JPH1: variants seen among roughly 807,000 people sequenced by gnomAD.
JPH1 encodes junctophilin 1.
Under a neutral mutation model 53.6 loss-of-function variants are expected in JPH1, and 12 were observed. The ratio of observed to expected loss-of-function variants is 0.22; its 90% confidence interval spans 0.14 to 0.36. JPH1 has a LOEUF of 0.36. Ranked by LOEUF, JPH1 falls within the 10% of genes least tolerant of loss-of-function variation. JPH1 has a pLI of 1.00. For missense variants in JPH1, 808 were observed against 905.5 expected (o/e 0.89, Z 1.38); for synonymous variants, 375 against 363.8 (o/e 1.03, Z -0.35).
At chr8:74,243,430 G>A (rs1805757693) in intron 4 of JPH1, among the ~76,000 whole-genome samples, 1 of 152,160 alleles carries the variant, frequency 6.6e-6, no homozygotes, top group Admixed American at 6.5e-5. Flanking sequence ...GAAAAAAGAA[G>A]AGAACCAGTG....
rs577592413 is a variant in JPH1, at chr8:74,234,801, T to C, written c.*2250A>G. On this transcript the variant is annotated 3_prime_UTR_variant, in exon 6 of 6. Transcript: ENST00000342232. Reference sequence around the variant, plus strand: ...AATTATAAATAAAGGAACTCACAGGTAGGGAGTTCTTTTTCACAGCAAGAA... The same window carrying C: ...AATTATAAATAAAGGAACTCACAGGCAGGGAGTTCTTTTTCACAGCAAGAA... 2 of 152,692 alleles carry C rather than the reference T, an allele frequency of 1.3e-5. No individual in the cohort carries two copies. The highest frequency in any genetic ancestry group is 4.1e-4 in the South Asian group (2 of 4,820). 9.5% of individuals were successfully genotyped at this position (152,692 alleles called of 1,614,324 possible).
intron 3 of JPH1, among the ~76,000 whole-genome samples, chr8:74,249,883 T>C (rs576863920): frequency 4.6e-5 from 7 of 151,578 alleles, no homozygotes; most frequent in South Asian, 2.1e-4. Context: ...CTCTAAATAA[T>C]TGATGCACTG....
At chr8:74,250,673 C>T (rs2131383095) in intron 3 of JPH1, among the ~76,000 whole-genome samples, 1 of 152,260 alleles carries the variant, frequency 6.6e-6, no homozygotes, top group South Asian at 2.1e-4. Context: ...TTATGTGTGG[C>T]CCAAGACAAT....
intron 4 of JPH1, among the ~76,000 whole-genome samples, chr8:74,238,951 C>G (rs1427437354): frequency 6.6e-6 from 1 of 152,130 alleles, no homozygotes; most frequent in East Asian, 1.9e-4. Flanking sequence ...TACCACAGTG[C>G]CTGACCCAAA....
At chr8:74,311,723 A>G (rs1255284168) in intron 2 of JPH1, among the ~76,000 whole-genome samples, 1 of 122,990 alleles carries the variant, frequency 8.1e-6, no homozygotes, top group Non-Finnish European at 1.6e-5. Context: ...TCCTGTGTCC[A>G]TGTGTTCTCA....
chr8:74,314,719 G>T, intron 2 of JPH1, 142 bp downstream of exon 2: 1 of 973,164 alleles, frequency 1.0e-6, no homozygotes, highest in Non-Finnish European at 1.5e-6. Context: ...TGATTCTACT[G>T]AGTGTAATCA....
chr8:74,238,784 AGTAGCTG>A (rs1302379696), intron 4 of JPH1, among the ~76,000 whole-genome samples: 1 of 152,156 alleles, frequency 6.6e-6, no homozygotes, highest in African/African-American at 2.4e-5. Context: ...CAGCTTCCTG[AGTAGCTG>A]AGACCAACAG....
At chr8:74,267,397 T>C (rs1806564912) in intron 2 of JPH1, among the ~76,000 whole-genome samples, 2 of 152,196 alleles carry the variant, frequency 1.3e-5, no homozygotes. Context: ...ACAGTTCTTG[T>C]TCTTGCATAA....
At chr8:74,279,898 C>T (rs1262483333) in intron 2 of JPH1, among the ~76,000 whole-genome samples, 1 of 152,106 alleles carries the variant, frequency 6.6e-6, no homozygotes, top group African/African-American at 2.4e-5. Context: ...GTGGTAGCTG[C>T]ATTTTATTTT....
Position 74,320,609 on chromosome 8 carries a change from G to T in JPH1, c.379+300C>A, listed in dbSNP as rs1808285964. ...CTCCAGCCCAACCCTCCCGGGCGGCGCTCCCTCCCGGTGGCAGCGCAGCGC... is the reference window on the plus strand; with the variant it reads ...CTCCAGCCCAACCCTCCCGGGCGGCTCTCCCTCCCGGTGGCAGCGCAGCGC... On this transcript the variant is annotated intron_variant, in intron 1 of 5. Transcript: ENST00000342232. This position sits in a 1 kb window ranked among gnomAD's most constrained non-coding sequence, Gnocchi z 4.4. Among the ~76,000 whole-genome samples the T allele has an allele frequency of 6.6e-6, 1 of 152,066 alleles. No homozygotes were observed. The highest frequency in any genetic ancestry group is 1.5e-5 in the Non-Finnish European group (1 of 67,988).
chr8:74,299,795 T>A (rs6988819), intron 2 of JPH1, among the ~76,000 whole-genome samples: 36,679 of 152,134 alleles, frequency 0.24, 4,836 homozygotes, highest in South Asian at 0.41. Flanking sequence ...CCTTGAAGTA[T>A]CTTTAACATG....
chr8:74,316,257 AACCACAAT>A (rs1808154734), intron 1 of JPH1, among the ~76,000 whole-genome samples: 1 of 152,206 alleles, frequency 6.6e-6, no homozygotes, highest in Admixed American at 6.5e-5. Flanking sequence ...GAGAATCGAC[AACCACAAT>A]ATATATTATG....
chr8:74,284,469 G>A (rs1450826538), intron 2 of JPH1, among the ~76,000 whole-genome samples: 1 of 151,926 alleles, frequency 6.6e-6, no homozygotes, highest in Non-Finnish European at 1.5e-5. Context: ...CTTCTCTGCT[G>A]AAACACCGGT....
intron 2 of JPH1, among the ~76,000 whole-genome samples, chr8:74,278,830 A>G (rs969165098): frequency 1.3e-5 from 2 of 152,290 alleles, no homozygotes; most frequent in Admixed American, 6.5e-5. Flanking sequence ...GCCATTTGTA[A>G]GCTGTGTGAC....
intron 2 of JPH1, among the ~76,000 whole-genome samples, chr8:74,283,068 G>A (rs1258461836): frequency 6.6e-6 from 1 of 152,176 alleles, no homozygotes; most frequent in Non-Finnish European, 1.5e-5. Flanking sequence ...GCTTGTGACA[G>A]TAGGGTGTTA....
intron 1 of JPH1, among the ~76,000 whole-genome samples, chr8:74,318,610 G>A (rs981312669): frequency 6.6e-6 from 1 of 152,108 alleles, no homozygotes; most frequent in Non-Finnish European, 1.5e-5. Context: ...AATAAAATAA[G>A]TGATACGTCT....
chr8:74,254,656 G>A (rs1209121273), intron 3 of JPH1, among the ~76,000 whole-genome samples: 1 of 152,130 alleles, frequency 6.6e-6, no homozygotes, highest in Non-Finnish European at 1.5e-5. Context: ...CACTGTCTCA[G>A]CCCAAAATCT....
intron 4 of JPH1, 65 bp from the exon 5 acceptor site, chr8:74,237,368 C>G (rs1230937026): frequency 3.2e-6 from 4 of 1,239,682 alleles, no homozygotes; most frequent in East Asian, 2.3e-5. Flanking sequence ...ATTACCAAAG[C>G]CAATTACTGA....
At chr8:74,276,195 A>T (rs891861630) in intron 2 of JPH1, among the ~76,000 whole-genome samples, 1 of 152,146 alleles carries the variant, frequency 6.6e-6, no homozygotes, top group African/African-American at 2.4e-5. Flanking sequence ...AGGTGTTGGG[A>T]GCTGGAAAAA....
Sources: gnomAD v4.1 joint callset for allele counts (sites outside exome capture counted in the v4.1 genomes callset) on GRCh38, gnomAD v4.1.1 for gene constraint, Gnocchi (gnomAD v3.1) non-coding constraint, MANE v1.5 for transcripts, NCBI Gene and HGNC (gene_info 2026-07-23, HGNC 2026-07-21) for gene names.